The following SFI1 variants were observed in gnomAD, a reference collection of about 807,000 sequenced individuals.
SFI1 encodes protein SFI1 homolog.
Under a neutral mutation model 207.5 loss-of-function variants are expected in SFI1, and 195 were observed. The observed-to-expected ratio is 0.94, with a 90% CI of 0.84 to 1.06. The LOEUF (loss-of-function observed/expected upper bound fraction) is 1.06. SFI1 is among the 50% of genes least tolerant of loss of function. SFI1 has a pLI of 0.00. For synonymous variants in SFI1, 630 were observed against 598.9 expected (o/e 1.05, Z -0.76); for missense variants, 1,634 against 1,588.0 (o/e 1.03, Z -0.49).
chr22:31,563,273 G>A (rs936325957), intron 8 of SFI1, among the ~76,000 whole-genome samples: 1 of 151,590 alleles, frequency 6.6e-6, no homozygotes, highest in Non-Finnish European at 1.5e-5. Flanking sequence ...GATTACAGGC[G>A]TGAACCACCG....
At position 31,561,272 on chromosome 22, in the gene SFI1, T is replaced by C; in HGVS notation, c.663-18T>C. On this transcript the variant is annotated intron_variant, in intron 7 of 32. Transcript: ENST00000400288. ...GCTTTTTACTGATGGATTCCATCTT[T>C]GATTTGCTGTTTCACAGGGTGTGGT... 1 of 1,611,008 alleles carries C rather than the reference T, an allele frequency of 6.2e-7. No homozygotes were observed. Among genetic ancestry groups the C allele is most frequent in the Non-Finnish European group, 8.5e-7 (1 of 1,177,996 alleles).
chr22:31,604,502 CAG>C (rs2068643385), intron 19 of SFI1, 98 bp downstream of exon 19: 1 of 1,106,726 alleles, frequency 9.0e-7, no homozygotes, highest in African/African-American at 1.6e-5. Flanking sequence ...CGTCCCAGAA[CAG>C]AGTCACGTGA....
Position 31,603,727 on chromosome 22 carries a change from C to G in SFI1, c.1806-17C>G, listed in dbSNP as rs754336467. On this transcript the variant is annotated splice_polypyrimidine_tract_variant and intron_variant, in intron 17 of 32. Transcript: ENST00000400288. ...TGGGTGGGGGCTGCAGCACTGAGCT[C>G]TGCCATCTCCCCACAGGAGGACGGG... 9 of 1,520,516 alleles carry G rather than the reference C, an allele frequency of 5.9e-6. No individual in the cohort carries two copies. Among genetic ancestry groups the G allele is most frequent in the Non-Finnish European group, 7.8e-6 (9 of 1,146,528 alleles). 94.2% of individuals were successfully genotyped at this position (1,520,516 alleles called of 1,614,324 possible).
intron 1 of SFI1, among the ~76,000 whole-genome samples, chr22:31,503,877 C>G (rs1795158341): frequency 6.6e-6 from 1 of 151,622 alleles, no homozygotes; most frequent in African/African-American, 2.4e-5. Flanking sequence ...GCATGCGCCA[C>G]TGTCCTCGGC....
chr22:31,588,252 C>T (rs1362551696), intron 14 of SFI1, among the ~76,000 whole-genome samples: 1 of 152,202 alleles, frequency 6.6e-6, no homozygotes, highest in African/African-American at 2.4e-5. Flanking sequence ...AACCAAAGAA[C>T]CTGTGTATGA....
chr22:31,589,647 A>G, intron 15 of SFI1, 70 bp downstream of exon 15: 2 of 1,510,718 alleles, frequency 1.3e-6, no homozygotes, highest in Non-Finnish European at 1.8e-6. Flanking sequence ...CACACAGCCC[A>G]TTTGCTGTGC....
chr22:31,498,660 A>AT (rs2053174902), intron 1 of SFI1, among the ~76,000 whole-genome samples: 1 of 151,742 alleles, frequency 6.6e-6, no homozygotes, highest in Non-Finnish European at 1.5e-5. Context: ...AAAAAAAAAA[A>AT]AAATCATTAA....
chr22:31,538,098 A>C (rs985839800), intron 4 of SFI1, among the ~76,000 whole-genome samples: 1 of 152,016 alleles, frequency 6.6e-6, no homozygotes, highest in Non-Finnish European at 1.5e-5. Flanking sequence ...CAGCCTGCCA[A>C]GTAGCTGGGA....
At chr22:31,587,962 A>G (rs2065262956) in intron 14 of SFI1, 1 of 152,192 alleles carries the variant, frequency 6.6e-6, no homozygotes, top group South Asian at 2.1e-4. Context: ...GTACCTATCT[A>G]TTCACATACA....
At chr22:31,561,162 T>A in intron 7 of SFI1, 128 bp from the exon 8 acceptor site, 1 of 699,608 alleles carries the variant, frequency 1.4e-6, no homozygotes, top group Non-Finnish European at 2.4e-6. Flanking sequence ...TCCCCAGCAG[T>A]GAATCTAGAG....
At chr22:31,540,341 T>C (rs2147701827) in intron 4 of SFI1, among the ~76,000 whole-genome samples, 2 of 151,998 alleles carry the variant, frequency 1.3e-5, no homozygotes, top group Admixed American at 1.3e-4. Context: ...TAGAGTGCAG[T>C]GGCGCAATTG....
chr22:31,581,176 A>T (rs767923974), intron 12 of SFI1, among the ~76,000 whole-genome samples: 10 of 151,366 alleles, frequency 6.6e-5, no homozygotes, highest in Non-Finnish European at 1.3e-4. Context: ...ATGGGGTCCT[A>T]CTATGTTGCC....
At chr22:31,601,128 CTTTTT>C (rs11354377) in intron 15 of SFI1, among the ~76,000 whole-genome samples, 4 of 80,316 alleles carry the variant, frequency 5.0e-5, no homozygotes, top group Non-Finnish European at 4.9e-5. Context: ...CTTTTCTTTA[CTTTTT>C]TTTTTTTTTT....
At chr22:31,598,891 T>G (rs1226787720) in intron 15 of SFI1, among the ~76,000 whole-genome samples, 2 of 147,202 alleles carry the variant, frequency 1.4e-5, no homozygotes, top group African/African-American at 2.5e-5. Flanking sequence ...CCTCCCAGGT[T>G]CAAGCAACTC....
chr22:31,617,566 C>T (rs772910310), intron 31 of SFI1, among the ~76,000 whole-genome samples: 41 of 151,938 alleles, frequency 2.7e-4, no homozygotes, highest in Non-Finnish European at 5.4e-4. Context: ...ACTAAAAATA[C>T]AAAAATTAGC....
intron 2 of SFI1, among the ~76,000 whole-genome samples, chr22:31,523,218 C>A (rs183494488): frequency 2.6e-5 from 4 of 152,244 alleles, no homozygotes; most frequent in Admixed American, 1.3e-4. Context: ...CCTTCACATT[C>A]CTTCTACTGC....
In SFI1 at chr22:31,575,469, CATGAGAT is replaced by C. The variant is rs2063383841; in HGVS notation, c.1084+79_1084+85del. On this transcript the variant is annotated intron_variant, in intron 10 of 32. Coordinates refer to ENST00000400288, the MANE Select transcript of SFI1 (RefSeq NM_001007467.3). The stretch of plus-strand genomic sequence containing the variant: ...GCTCAGCAGCATGTGAAACGAAAGT[CATGAGAT>C]ACATGGGAAACAATTGCCAAACGAT... 7 of 1,377,648 alleles carry C rather than the reference CATGAGAT, an allele frequency of 5.1e-6. No individual in the cohort carries two copies. In the Middle Eastern group the frequency reaches 1.1e-3, roughly 212 times the overall value. The allele number at this position is 1,377,648 out of a possible 1,614,324, so 85.3% of individuals were successfully genotyped here. A position where few individuals can be genotyped will look rare whatever the true frequency, so the allele number is the denominator to read the frequency against.
Position 31,585,068 on chromosome 22 carries a change from A to G in SFI1, c.1347A>G (p.Arg449=), listed in dbSNP as rs1365755800. The G allele has an allele frequency of 6.2e-7, 1 of 1,613,554 alleles. No individual in the cohort carries two copies. Among genetic ancestry groups the G allele is most frequent in the Non-Finnish European group, 8.5e-7 (1 of 1,179,816 alleles). Residue 449 remains arginine (R), a splice_region_variant and synonymous_variant, in exon 14 of 33, where the codon AGA becomes AGG. Transcript: ENST00000400288. ...GAAGGTGTTCTTCCTTTTGTTTCAG[A>G]ATAGCACTGCTGTGCAAATGTATCG... is the stretch of plus-strand genomic sequence containing the variant. The part of the protein sequence containing the change: ...PLLHAAWDHY[R]IALLCKCIEL...
chr22:31,531,109 A>T lies in SFI1; in HGVS notation c.318A>T (p.Arg106Ser). ...TATGGATTCGAATGACTTTTGGAAG[A>T]GTATTTCCCTCTAAAGCCAGGTAGT... Reference protein sequence around the residue: ...LYLWIRMTFGRVFPSKARFYY... With the variant: ...LYLWIRMTFGSVFPSKARFYY... The change falls in exon 4 of 33, where the codon AGA (arginine) becomes AGT (serine). Residue 106 changes from arginine (R) to serine (S), a missense_variant. Arg to Ser is a moderately radical substitution (Grantham distance 110). Coordinates refer to ENST00000400288, the MANE Select transcript of SFI1 (RefSeq NM_001007467.3). The T allele has an allele frequency of 6.2e-7, 1 of 1,613,482 alleles. No homozygotes were observed. The highest frequency in any genetic ancestry group is 8.5e-7 in the Non-Finnish European group (1 of 1,179,716).
Sources: allele counts gnomAD v4.1 joint callset (sites outside exome capture counted in the v4.1 genomes callset), GRCh38; gene constraint gnomAD v4.1.1; transcripts MANE v1.5; gene names NCBI Gene and HGNC (gene_info 2026-07-23, HGNC 2026-07-21).